The following CEP89 variants were observed in gnomAD, a reference collection of about 807,000 sequenced individuals.
CEP89 encodes centrosomal protein of 89 kDa.
A neutral mutation model predicts 97.6 loss-of-function variants in CEP89; 95 were observed. The ratio of observed to expected loss-of-function variants is 0.97; its 90% confidence interval spans 0.82 to 1.15. The LOEUF (loss-of-function observed/expected upper bound fraction) is 1.15. Ranked by LOEUF, CEP89 falls within the 50% of genes most tolerant of loss-of-function variation. The pLI is 0.00. For missense variants in CEP89, 869 were observed against 947.7 expected, an observed-to-expected ratio of 0.92 and a Z score of 1.09; for synonymous variants, 354 against 349.1, an observed-to-expected ratio of 1.01 and a Z score of -0.16.
chr19:32,882,511 G>A (rs964702028), intron 17 of CEP89, among the ~76,000 whole-genome samples: 2 of 150,604 alleles, frequency 1.3e-5, no homozygotes, highest in Admixed American at 1.3e-4. Context: ...TGCAGTGAGT[G>A]TGATCACGCC....
intron 14 of CEP89, among the ~76,000 whole-genome samples, chr19:32,903,184 G>GA (rs71176165): frequency 0.19 from 28,871 of 149,474 alleles, 3,085 homozygotes; most frequent in East Asian, 0.52. Context: ...TCTACAAAAA[G>GA]AAAAAAAAAA....
In CEP89 at chr19:32,939,942, A is replaced by G. The variant is rs184554079; in HGVS notation, c.596-57T>C. The stretch of plus-strand genomic sequence containing the variant: ...TTAAAGTAGATAATGAAATATGACA[A>G]CTCAGAAAGTACAATCATAGAAATT... On this transcript the variant is annotated intron_variant, in intron 5 of 18. Coordinates refer to ENST00000305768, the MANE Select transcript of CEP89 (RefSeq NM_032816.5). The G allele has an allele frequency of 1.0e-3, 820 of 808,452 alleles. 5 individuals carry two copies. The African/African-American group carries it at 0.012, about 12-fold the overall frequency. The allele number at this position is 808,452 out of a possible 1,614,324, so 50.1% of individuals were successfully genotyped here. A position where few individuals can be genotyped will look rare whatever the true frequency, so the allele number is the denominator to read the frequency against.
intron 14 of CEP89, among the ~76,000 whole-genome samples, chr19:32,913,411 A>G (rs1238484750): frequency 2.6e-5 from 4 of 151,486 alleles, no homozygotes; most frequent in Admixed American, 2.0e-4. Context: ...ACTATTACCA[A>G]TTGGCCAATT....
At chr19:32,959,037 C>CA (rs1347809845) in intron 3 of CEP89, among the ~76,000 whole-genome samples, 8 of 127,006 alleles carry the variant, frequency 6.3e-5, no homozygotes, top group Non-Finnish European at 5.0e-5. Flanking sequence ...CAAAACAAAA[C>CA]AAACAAAACA....
intron 2 of CEP89, among the ~76,000 whole-genome samples, chr19:32,963,242 G>A (rs1302358585): frequency 1.3e-5 from 2 of 152,204 alleles, no homozygotes; most frequent in Non-Finnish European, 1.5e-5. Flanking sequence ...TGTAATCCCA[G>A]CTACTTAGGA....
At chr19:32,896,385 A>G (rs1318269423) in intron 16 of CEP89, among the ~76,000 whole-genome samples, 2 of 152,184 alleles carry the variant, frequency 1.3e-5, no homozygotes, top group African/African-American at 2.4e-5. Context: ...ACCCTCTTCA[A>G]TACATGGTGC....
At position 32,953,658 on chromosome 19, in the gene CEP89, C is replaced by A. The variant is rs769976961; in HGVS notation, c.449G>T (p.Gly150Val). 1 of 1,614,048 alleles carries A rather than the reference C, an allele frequency of 6.2e-7. No individual in the cohort carries two copies. Among genetic ancestry groups the A allele is most frequent in the South Asian group, 1.1e-5 (1 of 91,078 alleles). The change falls in exon 4 of 19, where the codon GGA (glycine) becomes GTA (valine). Residue 150 changes from glycine (G) to valine (V), a missense_variant. Transcript: ENST00000305768. ...AGCGTACAGGTCATCACTGTGGCCTCCTCTGTCCTCCCGGGCACTGACATC... is the reference window on the plus strand; with the variant it reads ...AGCGTACAGGTCATCACTGTGGCCTACTCTGTCCTCCCGGGCACTGACATC... ...LGDVSAREDR[G>V]GHSDDLYAVP...
intron 17 of CEP89, among the ~76,000 whole-genome samples, chr19:32,885,130 G>A (rs1278692436): frequency 6.6e-6 from 1 of 152,144 alleles, no homozygotes; most frequent in Non-Finnish European, 1.5e-5. Context: ...ATCAGCAAGT[G>A]CAATCTACTT....
Position 32,931,561 on chromosome 19 carries a change from A to T in CEP89, c.897T>A (p.Pro299=). 1.3e-6 allele frequency: 2 copies of T among 1,580,350 alleles called. No homozygotes were observed. The highest frequency in any genetic ancestry group is 1.7e-6 in the Non-Finnish European group (2 of 1,172,178). ...EKASSQEVAA[P]ELLYLRKQAQ... ...CTTGTTTTCGCAGATAAAGTAATTC[A>T]GGTGCAGCAACTAGGGAAAAAAATT... The change falls in exon 9 of 19, where the codon CCT becomes CCA. Residue 299 remains proline, a synonymous_variant. Coordinates refer to ENST00000305768, the MANE Select transcript of CEP89 (RefSeq NM_032816.5).
Position 32,960,066 on chromosome 19 carries a change from C to T in CEP89, c.147-8G>A, listed in dbSNP as rs767773298. On this transcript the variant is annotated splice_region_variant and splice_polypyrimidine_tract_variant and intron_variant, in intron 2 of 18. Coordinates refer to ENST00000305768, the MANE Select transcript of CEP89 (RefSeq NM_032816.5). The stretch of plus-strand genomic sequence containing the variant: ...GCTGCTGCCAGAGCAGATCTGCGGA[C>T]AAAAACATCCCATGGAGACAGTGAG... The T allele has an allele frequency of 5.6e-6, 9 of 1,613,846 alleles. No homozygotes were observed. Among genetic ancestry groups the T allele is most frequent in the African/African-American group, 1.3e-5 (1 of 74,914 alleles).
chr19:32,945,990 T>C (rs1194129668), intron 5 of CEP89, among the ~76,000 whole-genome samples: 2 of 152,216 alleles, frequency 1.3e-5, no homozygotes, highest in Non-Finnish European at 2.9e-5. Context: ...CCTCCAGAGC[T>C]GCTTCCTCCT....
chr19:32,947,381 C>G (rs902498247), intron 5 of CEP89, among the ~76,000 whole-genome samples: 2 of 152,138 alleles, frequency 1.3e-5, no homozygotes, highest in Admixed American at 1.3e-4. Flanking sequence ...ATCCCTACCT[C>G]TATTGCTTAA....
At chr19:32,902,044 GTA>G in intron 14 of CEP89, among the ~76,000 whole-genome samples, 1 of 150,210 alleles carries the variant, frequency 6.7e-6, no homozygotes, top group African/African-American at 2.5e-5. Flanking sequence ...GTGTGTGTGT[GTA>G]TGTGTGTGTA....
intron 16 of CEP89, among the ~76,000 whole-genome samples, chr19:32,891,485 C>T (rs1180205775): frequency 6.6e-6 from 1 of 152,082 alleles, no homozygotes; most frequent in African/African-American, 2.4e-5. Context: ...TCCAAAGGAA[C>T]ATAATAATTC....
At chr19:32,938,894 G>A (rs1970630071) in intron 6 of CEP89, among the ~76,000 whole-genome samples, 1 of 152,170 alleles carries the variant, frequency 6.6e-6, no homozygotes, top group African/African-American at 2.4e-5. Context: ...AGGTTGCAGT[G>A]AGCCGAGACT....
intron 18 of CEP89, 29 bp from the exon 19 acceptor site, chr19:32,879,407 A>G (rs1266981873): frequency 6.4e-7 from 1 of 1,573,634 alleles, no homozygotes; most frequent in Admixed American, 1.7e-5. Context: ...AAATGGCACA[A>G]TTTTAAAAAT....
Position 32,966,419 on chromosome 19 carries a change from CT to C in CEP89, c.86del (p.Lys29ArgfsTer33). 1 of 1,564,508 alleles carries C rather than the reference CT, an allele frequency of 6.4e-7. No individual in the cohort carries two copies. Among genetic ancestry groups the C allele is most frequent in the Non-Finnish European group, 8.7e-7 (1 of 1,152,874 alleles). On this transcript the variant is annotated frameshift_variant, in exon 2 of 19. Transcript: ENST00000305768. LOFTEE classifies it high-confidence loss of function. Reference protein sequence around the residue: ...GLLPAASVAPKAAVPRTPPPR... With the variant: ...GLLPAASVAPXAAVPRTPPPR... ...GAGGAGGTGTGCGTGGCACAGCTGC[CT>C]TCGGAGCAACGCTGGCTGCAGGTAA...
At chr19:32,902,002 C>CTGTG (rs1471468250) in intron 14 of CEP89, among the ~76,000 whole-genome samples, 8 of 104,974 alleles carry the variant, frequency 7.6e-5, no homozygotes, top group African/African-American at 4.0e-4. Flanking sequence ...CTCTGTCTCT[C>CTGTG]TCTCTCTCTG....
At chr19:32,911,946 G>A (rs1397195306) in intron 14 of CEP89, among the ~76,000 whole-genome samples, 2 of 152,094 alleles carry the variant, frequency 1.3e-5, no homozygotes, top group Non-Finnish European at 2.9e-5. Flanking sequence ...ACATACAAAA[G>A]GCCAGGCTGG....
Sources: gnomAD v4.1 joint callset for allele counts (sites outside exome capture counted in the v4.1 genomes callset) on GRCh38, gnomAD v4.1.1 for gene constraint, MANE v1.5 for transcripts, NCBI Gene and HGNC (gene_info 2026-07-23, HGNC 2026-07-21) for gene names.